The following KIF6 variants were observed in gnomAD, a reference collection of about 807,000 sequenced individuals.
KIF6 encodes the protein kinesin family member 6, also known as kinesin-like protein KIF6.
KIF6 carries 106 observed loss-of-function variants against 112.7 expected under a neutral mutation model. The ratio of observed to expected loss-of-function variants is 0.94; its 90% CI spans 0.80 to 1.11. The LOEUF is 1.11. Ranked by LOEUF, KIF6 falls within the 50% of genes least tolerant of loss-of-function variation. The pLI is 0.00. For synonymous variants in KIF6, 339 were observed against 339.9 expected (o/e 1.00, Z 0.03); for missense variants, 929 against 964.0 (o/e 0.96, Z 0.48).
intron 13 of KIF6, among the ~76,000 whole-genome samples, chr6:39,509,526 A>C (rs1041872589): frequency 3.3e-5 from 5 of 152,226 alleles, no homozygotes; most frequent in African/African-American, 1.2e-4. Flanking sequence ...CAGTGTAGAG[A>C]AGAGCTTAAA....
intron 4 of KIF6, 106 bp downstream of exon 4, chr6:39,639,504 T>A (rs1290063964): frequency 1.1e-6 from 1 of 946,684 alleles, no homozygotes; most frequent in African/African-American, 1.7e-5. Context: ...AATAAGACTT[T>A]ATCATTTAGA....
At chr6:39,646,573 T>C (rs1334690555) in intron 3 of KIF6, among the ~76,000 whole-genome samples, 1 of 152,182 alleles carries the variant, frequency 6.6e-6, no homozygotes, top group Non-Finnish European at 1.5e-5. Context: ...GTTTAACAGT[T>C]TAGCTTTAGA....
chr6:39,515,121 A>T (rs1345963727), intron 13 of KIF6, among the ~76,000 whole-genome samples: 1 of 152,234 alleles, frequency 6.6e-6, no homozygotes, highest in Non-Finnish European at 1.5e-5. Flanking sequence ...TGAGGTAAGG[A>T]AAACATTTCA....
intron 1 of KIF6, 109 bp from the exon 2 acceptor site, chr6:39,720,920 A>C (rs1485199066): frequency 1.6e-6 from 1 of 613,308 alleles, no homozygotes; most frequent in Admixed American, 2.8e-5. Context: ...CTTAAGATTA[A>C]AAAGTCATAA....
intron 13 of KIF6, among the ~76,000 whole-genome samples, chr6:39,496,573 C>G (rs947186022): frequency 1.3e-5 from 2 of 152,064 alleles, no homozygotes; most frequent in African/African-American, 4.8e-5. Flanking sequence ...GTGACTACCC[C>G]CCCAACTCCA....
intron 3 of KIF6, among the ~76,000 whole-genome samples, chr6:39,652,263 C>T (rs1024014580): frequency 3.9e-5 from 6 of 152,176 alleles, no homozygotes; most frequent in African/African-American, 1.4e-4. Flanking sequence ...GGTACAGTGG[C>T]TCATGCCTGT....
At chr6:39,513,685 A>G (rs1199574072) in intron 13 of KIF6, among the ~76,000 whole-genome samples, 2 of 152,108 alleles carry the variant, frequency 1.3e-5, no homozygotes, top group Non-Finnish European at 1.5e-5. Flanking sequence ...GCTTCTGTTC[A>G]TGCTTAAGTC....
intron 19 of KIF6, among the ~76,000 whole-genome samples, chr6:39,347,048 G>A (rs151287874): frequency 2.6e-5 from 4 of 152,330 alleles, no homozygotes; most frequent in South Asian, 4.1e-4. Context: ...GCCAGGCTTC[G>A]TGAAAGTGCT....
At chr6:39,519,299 AC>A (rs1246469580) in intron 13 of KIF6, among the ~76,000 whole-genome samples, 4 of 152,236 alleles carry the variant, frequency 2.6e-5, no homozygotes, top group African/African-American at 9.6e-5. Context: ...ATAACCATAT[AC>A]AAATGACTAG....
In KIF6 at chr6:39,339,564, C is replaced by T. The variant is rs139703860; in HGVS notation, c.2429-3016G>A. Among the ~76,000 whole-genome samples the T allele has an allele frequency of 4.2e-3, 642 of 152,118 alleles. 9 individuals carry two copies. The highest frequency in any genetic ancestry group is 0.015 in the African/African-American group (617 of 41,488). Reference sequence around the variant, plus strand: ...AAGACAGACTTGTGGTTATGGGGGTCGCACCATGGTTCCTTTCCAGATGGG... The same window carrying T: ...AAGACAGACTTGTGGTTATGGGGGTTGCACCATGGTTCCTTTCCAGATGGG... On this transcript the variant is annotated intron_variant, in intron 22 of 22. Transcript: ENST00000287152.
At chr6:39,575,029 G>A (rs552343393) in intron 10 of KIF6, among the ~76,000 whole-genome samples, 1 of 152,230 alleles carries the variant, frequency 6.6e-6, no homozygotes, top group African/African-American at 2.4e-5. Context: ...TTTTATAGAT[G>A]TAATACCATA....
rs1438890541 is a variant in KIF6, at chr6:39,524,141, T to C, written c.1645+15862A>G. 5.9e-5 allele frequency among the ~76,000 whole-genome samples: 8 copies of C among 136,064 alleles called. No individual in the cohort carries two copies. In the Admixed American group the frequency reaches 6.0e-4, roughly 10 times the overall value. The allele number at this position is 136,064 out of a possible 152,430, so 89.3% of individuals were successfully genotyped here. A position where few individuals can be genotyped will look rare whatever the true frequency, so the allele number is the denominator to read the frequency against. On this transcript the variant is annotated intron_variant, in intron 13 of 22. Transcript: ENST00000287152. The stretch of plus-strand genomic sequence containing the variant: ...GCAAGGCTGTGTGTGTGTGTGTGTC[T>C]GTGTGTGTGAAAGAGAGAGAGAGAG...
At chr6:39,435,439 T>C (rs1771454082) in intron 13 of KIF6, among the ~76,000 whole-genome samples, 1 of 152,192 alleles carries the variant, frequency 6.6e-6, no homozygotes, top group South Asian at 2.1e-4. Flanking sequence ...ATGGATGAAT[T>C]GTACAGCAGT....
chr6:39,507,786 T>C (rs1238634661), intron 13 of KIF6, among the ~76,000 whole-genome samples: 3 of 149,140 alleles, frequency 2.0e-5, no homozygotes, highest in African/African-American at 7.4e-5. Context: ...GATGCCTATA[T>C]ATAATATTAT....
At chr6:39,548,290 T>A (rs1197366621) in intron 10 of KIF6, among the ~76,000 whole-genome samples, 1 of 152,220 alleles carries the variant, frequency 6.6e-6, no homozygotes, top group African/African-American at 2.4e-5. Context: ...ACTCACAGAT[T>A]GCTCACGTGC....
At position 39,710,430 on chromosome 6, in the gene KIF6, A is replaced by G. The variant is rs1056632005; in HGVS notation, c.251+4262T>C. 3.2e-4 allele frequency among the ~76,000 whole-genome samples: 49 copies of G among 150,790 alleles called. 1 individual carries two copies. The highest frequency in any genetic ancestry group is 4.4e-5 in the Non-Finnish European group (3 of 67,824). ...CTGCACCAGGAAAGCGAGGCACCAA[A>G]CTCATCAGAAGAACATGCACATAAA... is the stretch of plus-strand genomic sequence containing the variant. On this transcript the variant is annotated intron_variant, in intron 3 of 22. Transcript: ENST00000287152.
intron 10 of KIF6, among the ~76,000 whole-genome samples, chr6:39,550,006 G>A (rs994874386): frequency 3.3e-5 from 5 of 152,024 alleles, no homozygotes; most frequent in African/African-American, 7.2e-5. Context: ...CAGCAGTCCC[G>A]AAATTTTTGG....
intron 13 of KIF6, among the ~76,000 whole-genome samples, chr6:39,437,428 T>C (rs1253474602): frequency 6.6e-6 from 1 of 152,220 alleles, no homozygotes; most frequent in African/African-American, 2.4e-5. Context: ...AAGAGCACTA[T>C]AGCATATTTG....
intron 18 of KIF6, 62 bp from the exon 19 acceptor site, chr6:39,357,436 T>A: frequency 3.8e-6 from 4 of 1,062,494 alleles, no homozygotes; most frequent in Middle Eastern, 2.1e-4. Context: ...GGAAGATGTT[T>A]TTGATGTAAT....
Sources: allele counts gnomAD v4.1 joint callset (sites outside exome capture counted in the v4.1 genomes callset), GRCh38; gene constraint gnomAD v4.1.1; transcripts MANE v1.5; gene names NCBI Gene and HGNC (gene_info 2026-07-23, HGNC 2026-07-21).